Variants in AMMECR1 observed in about 807,000 individuals in gnomAD.
AMMECR1 encodes AMMECR nuclear protein 1.
Under a neutral mutation model 22.5 loss-of-function variants are expected in AMMECR1, and 3 were observed. That is an observed-to-expected ratio of 0.13 (90% CI 0.06 to 0.35). The LOEUF (loss-of-function observed/expected upper bound fraction) is 0.35. Ranked by LOEUF, AMMECR1 falls within the 10% of genes least tolerant of loss-of-function variation. The pLI is 1.00. For missense variants in AMMECR1, 235 were observed against 278.7 expected, an observed-to-expected ratio of 0.84 and a Z score of 1.12; for synonymous variants, 130 against 116.7, an observed-to-expected ratio of 1.11 and a Z score of -0.74.
At chrX:110,208,556 A>C (rs905546733) in intron 3 of AMMECR1, among the ~76,000 whole-genome samples, 2 of 112,072 alleles carry the variant, frequency 1.8e-5, no homozygotes, top group African/African-American at 6.5e-5. Context: ...CTTGTCTATC[A>C]GGAACAAAAG....
At chrX:110,290,562 CAT>C (rs780045289) in intron 1 of AMMECR1, among the ~76,000 whole-genome samples, 23 of 111,325 alleles carry the variant, frequency 2.1e-4, no homozygotes, top group South Asian at 3.8e-4. Flanking sequence ...ATATGTACCA[CAT>C]ATGAGTCCAA....
chrX:110,204,139 C>T (rs1046275235), intron 3 of AMMECR1, among the ~76,000 whole-genome samples: 3 of 111,482 alleles, frequency 2.7e-5, no homozygotes, highest in Non-Finnish European at 5.7e-5. Flanking sequence ...GAGACAATGA[C>T]AAATTTGCAA....
At chrX:110,361,459 A>G (rs1180474149) in intron 2 of AMMECR1, among the ~76,000 whole-genome samples, 1 of 111,262 alleles carries the variant, frequency 9.0e-6, no homozygotes, top group Non-Finnish European at 1.9e-5. Context: ...GAACCAGGAT[A>G]ATTTTATTAT....
intron 1 of AMMECR1, among the ~76,000 whole-genome samples, chrX:110,301,213 C>T (rs1231185010): frequency 8.9e-6 from 1 of 112,561 alleles, no homozygotes; most frequent in Non-Finnish European, 1.9e-5. Context: ...ATTGAAGTAT[C>T]TGTTCAGCTA....
At chrX:110,404,673 T>C (rs2068586319) in intron 2 of AMMECR1, among the ~76,000 whole-genome samples, 2 of 111,779 alleles carry the variant, frequency 1.8e-5, no homozygotes, top group African/African-American at 6.5e-5. Flanking sequence ...TTTGTGCGCA[T>C]CATGTGCCTT....
chrX:110,356,087 G>A (rs1004427818), intron 2 of AMMECR1, among the ~76,000 whole-genome samples: 1 of 109,960 alleles, frequency 9.1e-6, no homozygotes, highest in Admixed American at 9.7e-5. Flanking sequence ...GGAGGAGGAG[G>A]GTTGGGGAAA....
chrX:110,202,607 C>A (rs771226756), intron 3 of AMMECR1, 71 bp from the exon 4 acceptor site: 1 of 692,735 alleles, frequency 1.4e-6, no homozygotes, highest in African/African-American at 2.1e-5. Context: ...TATAATTTAA[C>A]TTTCAAGAGA....
In AMMECR1 at chrX:110,348,048, C is replaced by T. The variant is rs144223254; in HGVS notation, c.-147-30199G>A. ...TCTTTTGTGAATTTATGTATGTAAA[C>T]GTAATCATCTGACTACATGGTTACC... On this transcript the variant is annotated intron_variant, in intron 2 of 7. Transcript: ENST00000372057. 9.8e-3 allele frequency among the ~76,000 whole-genome samples: 1,100 copies of T among 111,887 alleles called. 18 individuals carry two copies. Among genetic ancestry groups the T allele is most frequent in the African/African-American group, 0.033 (1,020 of 30,688 alleles).
intron 2 of AMMECR1, among the ~76,000 whole-genome samples, chrX:110,399,543 A>C (rs1307861425): frequency 2.7e-5 from 3 of 112,669 alleles, no homozygotes; most frequent in African/African-American, 9.7e-5. Flanking sequence ...ACAGTTCCTT[A>C]CTTAGATGGA....
chrX:110,197,358 T>C lies in AMMECR1; in HGVS notation c.*1162A>G, dbSNP rs1308961056. 8.9e-6 allele frequency: 1 copy of C among 112,535 alleles called. No homozygotes were observed. The highest frequency in any genetic ancestry group is 3.2e-5 in the African/African-American group (1 of 31,021). 9.3% of individuals were successfully genotyped at this position (112,535 alleles called of 1,213,427 possible). A position where few individuals can be genotyped will look rare whatever the true frequency, so the allele number is the denominator to read the frequency against. ...TCATGGCAAATATGAACTTTTGTTT[T>C]ACTAAATTATCTTTACCATATCTTT... On this transcript the variant is annotated 3_prime_UTR_variant, in exon 6 of 6. Transcript: ENST00000262844.
intron 1 of AMMECR1, among the ~76,000 whole-genome samples, chrX:110,429,023 G>C: frequency 9.0e-6 from 1 of 111,562 alleles, no homozygotes. Context: ...CTTTTGTCAG[G>C]CTGTTCCATC....
At chrX:110,368,274 C>T (rs1048795063) in intron 2 of AMMECR1, among the ~76,000 whole-genome samples, 72 of 110,666 alleles carry the variant, frequency 6.5e-4, no homozygotes, top group African/African-American at 2.2e-3. Context: ...TGCTCAAAAC[C>T]GTCCGTGGCC....
At chrX:110,304,701 A>G (rs1453055899) in intron 1 of AMMECR1, among the ~76,000 whole-genome samples, 1 of 112,161 alleles carries the variant, frequency 8.9e-6, no homozygotes, top group Non-Finnish European at 1.9e-5. Context: ...TTTTACCAAG[A>G]AAGAGGCCAC....
intron 1 of AMMECR1, among the ~76,000 whole-genome samples, chrX:110,272,719 C>T (rs375865513): frequency 1.8e-5 from 2 of 111,667 alleles, no homozygotes; most frequent in East Asian, 2.8e-4. Context: ...TCTTTATGTC[C>T]ATGTGTACTC....
At position 110,216,610 on chromosome X, in the gene AMMECR1, GA is replaced by G; in HGVS notation, c.606del (p.Pro204GlnfsTer2). 1 of 1,201,886 alleles carries G rather than the reference GA, an allele frequency of 8.3e-7. No homozygotes were observed. The highest frequency in any genetic ancestry group is 1.1e-6 in the Non-Finnish European group (1 of 887,921). ...TLTSALKDSRFPPMTRDELPR... is the reference protein window; with the variant it reads ...TLTSALKDSRXPPMTRDELPR... ...GGCAGCTCATCCCTTGTCATTGGGG[GA>G]AAACGGCTATCTTTAAGGGCACTGT... On this transcript the variant is annotated frameshift_variant, in exon 3 of 6. Transcript: ENST00000262844. LOFTEE classifies it high-confidence loss of function.
At chrX:110,375,635 G>A (rs2068371409) in intron 2 of AMMECR1, among the ~76,000 whole-genome samples, 1 of 111,929 alleles carries the variant, frequency 8.9e-6, no homozygotes. Flanking sequence ...TGAAATCAGG[G>A]ATGGGGAAAT....
chrX:110,272,439 T>G (rs1301415721), intron 1 of AMMECR1, among the ~76,000 whole-genome samples: 1 of 111,958 alleles, frequency 8.9e-6, no homozygotes, highest in African/African-American at 3.2e-5. Flanking sequence ...TCCATTTGAC[T>G]GTGTATGCAG....
intron 1 of AMMECR1, among the ~76,000 whole-genome samples, chrX:110,270,707 T>A (rs925139291): frequency 2.7e-5 from 3 of 111,927 alleles, no homozygotes; most frequent in African/African-American, 9.7e-5. Context: ...CCCCAATTTA[T>A]AAGTTTCTAC....
At position 110,318,044 on chromosome X, in the gene AMMECR1, T is replaced by G; in HGVS notation, c.28A>C (p.Lys10Gln). 1.7e-6 allele frequency: 2 copies of G among 1,203,443 alleles called. No homozygotes were observed. Among genetic ancestry groups the G allele is most frequent in the Non-Finnish European group, 2.2e-6 (2 of 892,455 alleles). ...GGGGGCGAACTGGACAGTTTCTGCT[T>G]CTTCACCCCGCAGCAACCCGCCGCC... MAAGCCGVK[K>Q]QKLSSSPPSG... The change falls in exon 1 of 6, where the codon AAG becomes CAG. Residue 10 changes from lysine to glutamine, a missense_variant. Transcript: ENST00000262844.
Sources: allele counts gnomAD v4.1 joint callset (sites outside exome capture counted in the v4.1 genomes callset), GRCh38; gene constraint gnomAD v4.1.1; transcripts MANE v1.5; gene names NCBI Gene and HGNC (gene_info 2026-07-23, HGNC 2026-07-21).